The following CNTN3 variants were observed in gnomAD, a reference collection of about 807,000 sequenced individuals.
The protein encoded by CNTN3 is contactin 3.
CNTN3 carries 60 observed loss-of-function variants against 119.1 expected under a neutral mutation model. That is an observed-to-expected ratio of 0.50 (90% CI 0.41 to 0.62). CNTN3 has a LOEUF of 0.62. CNTN3 is among the 20% of genes least tolerant of loss of function. The probability of loss-of-function intolerance (pLI) is 0.00; values close to 1 mark genes in which losing one functional copy is unlikely to be tolerated. For missense variants in CNTN3, 1,101 were observed against 1,242.4 expected, an observed-to-expected ratio of 0.89 and a Z score of 1.71; for synonymous variants, 450 against 438.7, an observed-to-expected ratio of 1.03 and a Z score of -0.32.
intron 20 of CNTN3, among the ~76,000 whole-genome samples, chr3:74,275,593 G>T (rs145591111): frequency 6.6e-6 from 1 of 151,320 alleles, no homozygotes; most frequent in South Asian, 2.1e-4. Context: ...CAGACAAATC[G>T]CCACGACAAG....
intron 20 of CNTN3, among the ~76,000 whole-genome samples, chr3:74,272,495 T>A (rs1333291861): frequency 6.6e-6 from 1 of 152,192 alleles, no homozygotes; most frequent in African/African-American, 2.4e-5. Flanking sequence ...AAACTAGGAA[T>A]AACTTTGCTG....
intron 3 of CNTN3, among the ~76,000 whole-genome samples, chr3:74,497,655 T>C (rs931284811): frequency 4.0e-5 from 6 of 151,864 alleles, no homozygotes; most frequent in African/African-American, 1.4e-4. Flanking sequence ...AAACCAAAAA[T>C]CATCAAACAA....
intron 5 of CNTN3, among the ~76,000 whole-genome samples, chr3:74,415,762 T>C (rs543454153): frequency 6.6e-6 from 1 of 152,182 alleles, no homozygotes; most frequent in Middle Eastern, 3.2e-3. Context: ...CCCTGGTCTC[T>C]TCTTGTTTCT....
chr3:74,596,880 C>G (rs1284125975), intron 1 of CNTN3, among the ~76,000 whole-genome samples: 3 of 151,964 alleles, frequency 2.0e-5, no homozygotes, highest in Admixed American at 2.0e-4. Context: ...GGCAGAGATC[C>G]AACATCTTCA....
chr3:74,364,316 G>T, intron 10 of CNTN3, 151 bp downstream of exon 10: 8 of 667,182 alleles, frequency 1.2e-5, no homozygotes, highest in Non-Finnish European at 1.6e-5. Flanking sequence ...TAAAAGGTAT[G>T]CCTTGATTAG....
At chr3:74,379,882 A>G (rs1246779509) in intron 5 of CNTN3, among the ~76,000 whole-genome samples, 1 of 152,204 alleles carries the variant, frequency 6.6e-6, no homozygotes. Context: ...GCATTGCTAA[A>G]GAAAGGAGTT....
intron 11 of CNTN3, among the ~76,000 whole-genome samples, chr3:74,360,574 T>G (rs1417409693): frequency 6.6e-6 from 1 of 152,198 alleles, no homozygotes; most frequent in Admixed American, 6.5e-5. Context: ...AACATCAATT[T>G]GTTCTCTTAC....
intron 20 of CNTN3, among the ~76,000 whole-genome samples, chr3:74,271,812 C>G (rs1476256646): frequency 1.3e-5 from 2 of 152,120 alleles, no homozygotes; most frequent in African/African-American, 4.8e-5. Flanking sequence ...ATGCACCCCC[C>G]CAATAGTAAG....
At chr3:74,435,232 T>C (rs779825007) in intron 4 of CNTN3, among the ~76,000 whole-genome samples, 1 of 152,178 alleles carries the variant, frequency 6.6e-6, no homozygotes, top group African/African-American at 2.4e-5. Flanking sequence ...TGGAGTGCAG[T>C]GGCACCATCT....
intron 3 of CNTN3, among the ~76,000 whole-genome samples, chr3:74,489,582 A>G (rs185253077): frequency 6.6e-6 from 1 of 151,938 alleles, no homozygotes; most frequent in African/African-American, 2.4e-5. Flanking sequence ...TGAAGCTCAC[A>G]TTTTTTAGAT....
rs535093089 is a variant in CNTN3, at chr3:74,423,011, A to C, written c.454+1834T>G. Among the ~76,000 whole-genome samples the C allele has an allele frequency of 2.2e-4, 34 of 152,306 alleles. No individual in the cohort carries two copies. In the South Asian group the frequency reaches 6.6e-3, roughly 30 times the overall value. ...TGTCTGCTTCATTAGGATATTTAGC[A>C]TTAAGGATCACAGAACTTAGAGCTG... On this transcript the variant is annotated intron_variant, in intron 5 of 22. Coordinates refer to ENST00000263665, the MANE Select transcript of CNTN3 (RefSeq NM_020872.3).
At chr3:74,320,319 C>A (rs573031936) in intron 13 of CNTN3, among the ~76,000 whole-genome samples, 9 of 152,296 alleles carry the variant, frequency 5.9e-5, no homozygotes, top group African/African-American at 2.2e-4. Context: ...ACATATACAT[C>A]ATGGAATACT....
At chr3:74,370,056 A>C in intron 6 of CNTN3, 65 bp from the exon 7 acceptor site, 7 of 905,290 alleles carry the variant, frequency 7.7e-6, no homozygotes, top group Non-Finnish European at 1.2e-5. Flanking sequence ...CGTTTTTCTT[A>C]AATAAAACTT....
At chr3:74,612,476 T>C (rs919103018) in intron 1 of CNTN3, among the ~76,000 whole-genome samples, 13 of 152,202 alleles carry the variant, frequency 8.5e-5, no homozygotes, top group African/African-American at 2.9e-4. Context: ...GAACTTAACA[T>C]CTTCATGTCT....
chr3:74,562,635 A>G (rs1704169317), intron 1 of CNTN3, among the ~76,000 whole-genome samples: 1 of 152,136 alleles, frequency 6.6e-6, no homozygotes, highest in Non-Finnish European at 1.5e-5. Context: ...TCTTGGAAAC[A>G]CTGCCTGCAC....
chr3:74,433,297 C>T (rs758701118), intron 4 of CNTN3, among the ~76,000 whole-genome samples: 6 of 152,202 alleles, frequency 3.9e-5, no homozygotes, highest in Non-Finnish European at 7.4e-5. Context: ...AACTGTCTAC[C>T]CGCTCTGCAA....
chr3:74,509,248 C>T (rs1463775303), intron 2 of CNTN3, among the ~76,000 whole-genome samples: 1 of 151,808 alleles, frequency 6.6e-6, no homozygotes, highest in African/African-American at 2.4e-5. Context: ...TTTGCATTTG[C>T]TAAATCACCT....
At chr3:74,497,528 G>A (rs1703086684) in intron 3 of CNTN3, among the ~76,000 whole-genome samples, 3 of 151,786 alleles carry the variant, frequency 2.0e-5, no homozygotes, top group South Asian at 2.1e-4. Flanking sequence ...TGTTTTCTAG[G>A]TCTCAATTTC....
intron 2 of CNTN3, among the ~76,000 whole-genome samples, chr3:74,505,158 C>A (rs1703235036): frequency 6.6e-6 from 1 of 152,024 alleles, no homozygotes; most frequent in Non-Finnish European, 1.5e-5. Flanking sequence ...ATGACCTCAT[C>A]TTAACTAATG....
Sources: allele counts gnomAD v4.1 joint callset (sites outside exome capture counted in the v4.1 genomes callset), GRCh38; gene constraint gnomAD v4.1.1; transcripts MANE v1.5; gene names NCBI Gene and HGNC (gene_info 2026-07-23, HGNC 2026-07-21).